The following GABRG3 variants were observed in gnomAD, a reference collection of about 807,000 sequenced individuals.
The protein encoded by GABRG3 is gamma-aminobutyric acid receptor subunit gamma-3.
In GABRG3, 25 loss-of-function variants were observed where a neutral mutation model predicts 48.8. The observed-to-expected ratio is 0.51, with a 90% CI of 0.37 to 0.72. The LOEUF is 0.72. GABRG3 is among the 30% of genes least tolerant of loss of function. The pLI is 0.00. For missense variants in GABRG3, 394 were observed against 577.9 expected, an observed-to-expected ratio of 0.68 and a Z score of 3.26; for synonymous variants, 227 against 217.6, an observed-to-expected ratio of 1.04 and a Z score of -0.38.
intron 3 of GABRG3, among the ~76,000 whole-genome samples, chr15:27,288,640 G>A (rs1891695101): frequency 6.6e-6 from 1 of 151,830 alleles, no homozygotes; most frequent in South Asian, 2.1e-4. Context: ...TTGAACCCAG[G>A]AGGTGGAGGT....
intron 3 of GABRG3, among the ~76,000 whole-genome samples, chr15:27,123,110 C>G: frequency 6.6e-6 from 1 of 152,280 alleles, no homozygotes; most frequent in East Asian, 1.9e-4. Flanking sequence ...AATAGGACAT[C>G]TGTGAAATCA....
intron 3 of GABRG3, among the ~76,000 whole-genome samples, chr15:27,171,036 G>A (rs907514815): frequency 1.3e-5 from 2 of 152,208 alleles, no homozygotes. Context: ...CAGAAAAGCA[G>A]GGAGCGGGGC....
intron 3 of GABRG3, among the ~76,000 whole-genome samples, chr15:27,223,075 A>G (rs957651754): frequency 6.6e-6 from 1 of 152,210 alleles, no homozygotes; most frequent in African/African-American, 2.4e-5. Context: ...TTTTAAAAGG[A>G]TGAAAAGTGA....
At chr15:27,355,469 T>C (rs1395574853) in intron 5 of GABRG3, among the ~76,000 whole-genome samples, 1 of 152,170 alleles carries the variant, frequency 6.6e-6, no homozygotes, top group Non-Finnish European at 1.5e-5. Flanking sequence ...ACACAAAAGA[T>C]ACCATAACAA....
At chr15:27,340,940 CAG>C (rs1185063524) in intron 5 of GABRG3, 1 of 490,292 alleles carries the variant, frequency 2.0e-6, no homozygotes, top group Non-Finnish European at 4.0e-6. Context: ...TTTTTAAGAA[CAG>C]AGATTCAATG....
At chr15:27,113,458 A>G (rs1897589117) in intron 3 of GABRG3, among the ~76,000 whole-genome samples, 1 of 152,190 alleles carries the variant, frequency 6.6e-6, no homozygotes, top group Admixed American at 6.5e-5. Flanking sequence ...CGGATGGTGA[A>G]TGCAGAAACT....
intron 3 of GABRG3, among the ~76,000 whole-genome samples, chr15:27,199,915 T>G (rs1007835421): frequency 2.6e-5 from 4 of 151,548 alleles, no homozygotes; most frequent in Admixed American, 2.6e-4. Context: ...CTCTTTCCCT[T>G]CAGCCATTTC....
intron 3 of GABRG3, among the ~76,000 whole-genome samples, chr15:27,224,855 A>G (rs1889562807): frequency 6.6e-6 from 1 of 152,172 alleles, no homozygotes; most frequent in African/African-American, 2.4e-5. Flanking sequence ...TTCATTCACA[A>G]GGCTAAGCAT....
At position 26,975,180 on chromosome 15, in the gene GABRG3, T is replaced by G. The variant is rs543770005; in HGVS notation, c.54-1822T>G. Among the ~76,000 whole-genome samples, 1 of 152,274 alleles carries G rather than the reference T, an allele frequency of 6.6e-6. No homozygotes were observed. Among genetic ancestry groups the G allele is most frequent in the South Asian group, 2.1e-4 (1 of 4,820 alleles). ...GCGTGAACAACCATGCCCGGCCAGATGACATGAAATATTTTAGAGTAACAT... is the reference window on the plus strand; with the variant it reads ...GCGTGAACAACCATGCCCGGCCAGAGGACATGAAATATTTTAGAGTAACAT... On this transcript the variant is annotated intron_variant, in intron 1 of 9. Coordinates refer to ENST00000615808, the MANE Select transcript of GABRG3 (RefSeq NM_033223.5). The surrounding 1 kb of genome is among the most constrained non-coding windows in gnomAD (Gnocchi z 4.6).
intron 5 of GABRG3, among the ~76,000 whole-genome samples, chr15:27,445,555 A>T (rs1161052442): frequency 6.6e-6 from 1 of 152,164 alleles, no homozygotes; most frequent in Non-Finnish European, 1.5e-5. Flanking sequence ...ACTAAGTTGT[A>T]GTGGTTTAAA....
chr15:27,031,094 C>T (rs372673803), intron 3 of GABRG3, among the ~76,000 whole-genome samples: 2 of 135,312 alleles, frequency 1.5e-5, no homozygotes. Flanking sequence ...ACACATACAA[C>T]ACATAACACA....
chr15:27,309,015 G>A (rs1316473966), intron 3 of GABRG3, among the ~76,000 whole-genome samples: 3 of 150,020 alleles, frequency 2.0e-5, no homozygotes, highest in Non-Finnish European at 4.5e-5. Context: ...AAAAATATAT[G>A]TTTATATAGA....
intron 5 of GABRG3, among the ~76,000 whole-genome samples, chr15:27,429,721 C>T (rs559713855): frequency 6.6e-6 from 1 of 152,286 alleles, no homozygotes; most frequent in Non-Finnish European, 1.5e-5. Flanking sequence ...CATGGTTTGT[C>T]TACCTCATAG....
intron 5 of GABRG3, among the ~76,000 whole-genome samples, chr15:27,378,208 C>A (rs1345376571): frequency 6.6e-6 from 1 of 152,060 alleles, no homozygotes; most frequent in African/African-American, 2.4e-5. Flanking sequence ...CTTCCATTTC[C>A]TTTTAAACAA....
At chr15:27,267,417 T>G (rs115159277) in intron 3 of GABRG3, among the ~76,000 whole-genome samples, 60 of 151,210 alleles carry the variant, frequency 4.0e-4, no homozygotes, top group Non-Finnish European at 4.4e-5. Context: ...ATCTTTTACC[T>G]TTAGAGTATC....
rs183676526 is a variant in GABRG3, at chr15:27,432,665, C to G, written c.575-47985C>G. Reference sequence around the variant, plus strand: ...TGACTGAATTTCCTAAATTTAGCATCTTTAGCAATCTGGATGTGCTGAAAA... The same window carrying G: ...TGACTGAATTTCCTAAATTTAGCATGTTTAGCAATCTGGATGTGCTGAAAA... On this transcript the variant is annotated intron_variant, in intron 5 of 9. Coordinates refer to ENST00000615808, the MANE Select transcript of GABRG3 (RefSeq NM_033223.5). Among the ~76,000 whole-genome samples, 75 of 152,310 alleles carry G rather than the reference C, an allele frequency of 4.9e-4. 1 individual carries two copies. Among genetic ancestry groups the G allele is most frequent in the South Asian group, 3.5e-3 (17 of 4,828 alleles).
At chr15:27,096,767 C>A (rs752322606) in intron 3 of GABRG3, among the ~76,000 whole-genome samples, 1 of 151,396 alleles carries the variant, frequency 6.6e-6, no homozygotes, top group Admixed American at 6.6e-5. Context: ...TTTTCTATTG[C>A]TGTATGTGTC....
chr15:27,252,755 A>C (rs1890499954), intron 3 of GABRG3, among the ~76,000 whole-genome samples: 1 of 152,236 alleles, frequency 6.6e-6, no homozygotes, highest in Admixed American at 6.5e-5. Flanking sequence ...GAGATAATTC[A>C]ACCTCATCAT....
At chr15:27,262,515 C>A (rs995810541) in intron 3 of GABRG3, among the ~76,000 whole-genome samples, 1 of 152,190 alleles carries the variant, frequency 6.6e-6, no homozygotes, top group Admixed American at 6.5e-5. Flanking sequence ...TTCTCATTGC[C>A]GCCCCTACCC....
Sources: gnomAD v4.1 joint callset for allele counts (sites outside exome capture counted in the v4.1 genomes callset) on GRCh38, gnomAD v4.1.1 for gene constraint, Gnocchi (gnomAD v3.1) non-coding constraint, MANE v1.5 for transcripts, NCBI Gene and HGNC (gene_info 2026-07-23, HGNC 2026-07-21) for gene names.